Variants in DENND4B observed in about 807,000 individuals in gnomAD.
The protein encoded by DENND4B is DENN domain containing 4B, also known as DENN domain-containing protein 4B.
Under a neutral mutation model 161.0 loss-of-function variants are expected in DENND4B, and 67 were observed. The ratio of observed to expected loss-of-function variants is 0.42; its 90% CI spans 0.34 to 0.51. DENND4B has a LOEUF of 0.51. Ranked by LOEUF, DENND4B falls within the 20% of genes least tolerant of loss-of-function variation. The pLI, the probability that DENND4B is intolerant of heterozygous loss-of-function variation, is 0.08. For synonymous variants in DENND4B, 753 were observed against 813.8 expected, an observed-to-expected ratio of 0.93 and a Z score of 1.27; for missense variants, 1,481 against 1,968.0, an observed-to-expected ratio of 0.75 and a Z score of 4.68.
In DENND4B at chr1:153,934,240, G is replaced by C; in HGVS notation, c.2836C>G (p.Arg946Gly). ...GGTGAGGCTGGGTCTCTCAGACTTC[G>C]CCCAGCCCAAGTAGTCTGGCGCTGA... is the stretch of plus-strand genomic sequence containing the variant. ...PLQRQTTWAG[R>G]SLRDPASPPG... Residue 946 changes from arginine to glycine, a missense_variant, in exon 19 of 28, where the codon CGA (arginine) becomes GGA (glycine). Arg to Gly is a moderately radical substitution (Grantham distance 125, BLOSUM62 -2). This residue lies in a region of DENND4B where 339 missense variants were observed against 330.3 expected (regional missense o/e 1.03). Transcript: ENST00000361217. The surrounding 1 kb of genome is among the most constrained non-coding windows in gnomAD (Gnocchi z 5.3). The C allele has an allele frequency of 6.2e-7, 1 of 1,600,976 alleles. No individual in the cohort carries two copies. Among genetic ancestry groups the C allele is most frequent in the South Asian group, 1.1e-5 (1 of 89,056 alleles).
chr1:153,933,653 G>C lies in DENND4B; in HGVS notation c.3160C>G (p.Arg1054Gly). The C allele has an allele frequency of 2.6e-6, 4 of 1,564,544 alleles. No homozygotes were observed. Among genetic ancestry groups the C allele is most frequent in the South Asian group, 1.2e-5 (1 of 86,246 alleles). The change falls in exon 20 of 28, where the codon CGA (arginine) becomes GGA (glycine). Residue 1054 changes from arginine to glycine, a missense_variant. Arg to Gly is a moderately radical substitution (Grantham distance 125, BLOSUM62 -2). This residue lies in a region of DENND4B where 339 missense variants were observed against 330.3 expected (regional missense o/e 1.03). Transcript: ENST00000361217. This position sits in a 1 kb window ranked among gnomAD's most constrained non-coding sequence, Gnocchi z 5.7. ...TGGAGGCGGGCACCCAGCCCTCGTC[G>C]GGGGGTGCCTGCCTCATCCTGTCGC... ...GGRQDEAGTP[R>G]RGLGARLQQL...
chr1:153,936,485 C>T lies in DENND4B; in HGVS notation c.2439+57G>A. On this transcript the variant is annotated intron_variant, in intron 16 of 27. Transcript: ENST00000361217. The surrounding 1 kb of genome is among the most constrained non-coding windows in gnomAD (Gnocchi z 4.1). ...CCAAGTTTCCCTCTCACAGCCCTCTCCAGCTGCACAAGGCTCACTGGGCCT... is the reference window on the plus strand; with the variant it reads ...CCAAGTTTCCCTCTCACAGCCCTCTTCAGCTGCACAAGGCTCACTGGGCCT... The T allele has an allele frequency of 6.7e-7, 1 of 1,483,940 alleles. No homozygotes were observed. Among genetic ancestry groups the T allele is most frequent in the Non-Finnish European group, 9.0e-7 (1 of 1,107,088 alleles). The allele number at this position is 1,483,940 out of a possible 1,614,324, so 91.9% of individuals were successfully genotyped here. A position where few individuals can be genotyped will look rare whatever the true frequency, so the allele number is the denominator to read the frequency against.
At position 153,942,220 on chromosome 1, in the gene DENND4B, G is replaced by A. The variant is rs556647432; in HGVS notation, c.777C>T (p.Ser259=). The A allele has an allele frequency of 1.9e-6, 3 of 1,614,032 alleles. No homozygotes were observed. Among genetic ancestry groups the A allele is most frequent in the East Asian group, 2.2e-5 (1 of 44,882 alleles). The stretch of plus-strand genomic sequence containing the variant: ...CAGCTGCACCCGTGAGCACAAAGGT[G>A]GAGAAGACGGGCACGGGGTACTTGG... The part of the protein sequence containing the change: ...AQTKYPVPVF[S]TFVLTGAAGD... Residue 259 remains serine (S), a synonymous_variant, in exon 5 of 28, where the codon TCC becomes TCT. Coordinates refer to ENST00000361217, the MANE Select transcript of DENND4B (RefSeq NM_014856.3). This position sits in a 1 kb window ranked among gnomAD's most constrained non-coding sequence, Gnocchi z 6.9.
chr1:153,938,112 T>C (rs930949093), intron 13 of DENND4B, among the ~76,000 whole-genome samples: 1 of 152,164 alleles, frequency 6.6e-6, no homozygotes, highest in Non-Finnish European at 1.5e-5. Flanking sequence ...GAGTTGTGTT[T>C]ACAATGGCCC....
chr1:153,937,602 G>T lies in DENND4B; in HGVS notation c.2118C>A (p.Phe706Leu). Residue 706 changes from phenylalanine to leucine, a missense_variant, in exon 15 of 28, where the codon TTC becomes TTA. Physicochemically the swap from Phe to Leu is conservative, Grantham distance 22. Around this residue, in one of 3 missense-constraint regions of DENND4B, gnomAD observed 806 missense variants for 1,134.4 expected, o/e 0.71. Transcript: ENST00000361217. This position sits in a 1 kb window ranked among gnomAD's most constrained non-coding sequence, Gnocchi z 4.7. ...ESTPQYCYDGFPELRAELFES... is the reference protein window; with the variant it reads ...ESTPQYCYDGLPELRAELFES... ...CAAACAACTCAGCCCGTAGCTCTGG[G>T]AATCCATCATAGCTGGAGGGGCAGA... 1 of 1,612,716 alleles carries T rather than the reference G, an allele frequency of 6.2e-7. No individual in the cohort carries two copies. The highest frequency in any genetic ancestry group is 8.5e-7 in the Non-Finnish European group (1 of 1,179,132).
chr1:153,935,241 T>C, intron 17 of DENND4B: 1 of 477,690 alleles, frequency 2.1e-6, no homozygotes, highest in Non-Finnish European at 3.6e-6. Flanking sequence ...GAAGAAATCA[T>C]TTCATTTATT....
chr1:153,932,461 G>T lies in DENND4B; in HGVS notation c.3760-21C>A. 1 of 1,583,540 alleles carries T rather than the reference G, an allele frequency of 6.3e-7. No individual in the cohort carries two copies. The highest frequency in any genetic ancestry group is 8.6e-7 in the Non-Finnish European group (1 of 1,164,726). ...GCTCCCTATCAGGCACAAAGGGGGA[G>T]GGCAGTAGAGGGCATGTACATCCCC... is the stretch of plus-strand genomic sequence containing the variant. On this transcript the variant is annotated intron_variant, in intron 23 of 27. Coordinates refer to ENST00000361217, the MANE Select transcript of DENND4B (RefSeq NM_014856.3). This position sits in a 1 kb window ranked among gnomAD's most constrained non-coding sequence, Gnocchi z 5.8.
chr1:153,934,026 C>A lies in DENND4B; in HGVS notation c.2941+109G>T. Reference sequence around the variant, plus strand: ...CGAGATTCCCTCAGAATCTACAGCACCCACCACAGAGGGCCGCCCTCCACT... The same window carrying A: ...CGAGATTCCCTCAGAATCTACAGCAACCACCACAGAGGGCCGCCCTCCACT... On this transcript the variant is annotated intron_variant, in intron 19 of 27. Coordinates refer to ENST00000361217, the MANE Select transcript of DENND4B (RefSeq NM_014856.3). The surrounding 1 kb of genome is among the most constrained non-coding windows in gnomAD (Gnocchi z 5.3). 1.4e-6 allele frequency: 2 copies of A among 1,467,424 alleles called. No individual in the cohort carries two copies. The highest frequency in any genetic ancestry group is 1.4e-5 in the South Asian group (1 of 71,520). The allele number at this position is 1,467,424 out of a possible 1,614,324, so 90.9% of individuals were successfully genotyped here.
Position 153,940,093 on chromosome 1 carries a change from T to C in DENND4B, c.1603+63A>G. On this transcript the variant is annotated intron_variant, in intron 11 of 27. Transcript: ENST00000361217. This position sits in a 1 kb window ranked among gnomAD's most constrained non-coding sequence, Gnocchi z 5.6. Reference sequence around the variant, plus strand: ...AAATGTCTAGCTCCCCACAGACCTCTGCAAACTGGAGGTTTGAGGGCAATG... The same window carrying C: ...AAATGTCTAGCTCCCCACAGACCTCCGCAAACTGGAGGTTTGAGGGCAATG... The C allele has an allele frequency of 7.2e-7, 1 of 1,395,988 alleles. No individual in the cohort carries two copies. Among genetic ancestry groups the C allele is most frequent in the East Asian group, 2.3e-5 (1 of 42,856 alleles). 86.5% of individuals were successfully genotyped at this position (1,395,988 alleles called of 1,614,324 possible). A position where few individuals can be genotyped will look rare whatever the true frequency, so the allele number is the denominator to read the frequency against.
chr1:153,930,561 C>T lies in DENND4B; in HGVS notation c.4323G>A (p.Leu1441=). 1 of 1,614,038 alleles carries T rather than the reference C, an allele frequency of 6.2e-7. No individual in the cohort carries two copies. The highest frequency in any genetic ancestry group is 8.5e-7 in the Non-Finnish European group (1 of 1,179,896). ...REILFLTMAA[L]GKDHVDIVAF... is the part of the protein sequence containing the mutation. The stretch of plus-strand genomic sequence containing the variant: ...CACCTATGTCCACGTGGTCCTTGCC[C>T]AGAGCAGCCATTGTCAGGAATAATA... Residue 1441 remains leucine (L), a synonymous_variant, in exon 27 of 28, where the codon CTG becomes CTA. Transcript: ENST00000361217. This position sits in a 1 kb window ranked among gnomAD's most constrained non-coding sequence, Gnocchi z 4.7.
chr1:153,938,766 TA>T, intron 13 of DENND4B, 133 bp downstream of exon 13: 1 of 473,086 alleles, frequency 2.1e-6, no homozygotes, highest in Non-Finnish European at 3.3e-6. Context: ...AATAAATAAA[TA>T]AAATAAAATG....
chr1:153,940,501 T>C lies in DENND4B; in HGVS notation c.1432A>G (p.Ser478Gly), dbSNP rs775993508. ...PVPFIVGIHS[S>G]YFDLHDPPAD... is the part of the protein sequence containing the mutation. Reference sequence around the variant, plus strand: ...GGCGGGTCATGCAGATCAAAGTAGCTGGAGTGGATACCCACAATGAAGGGC... The same window carrying C: ...GGCGGGTCATGCAGATCAAAGTAGCCGGAGTGGATACCCACAATGAAGGGC... The change falls in exon 10 of 28, where the codon AGC becomes GGC. Residue 478 changes from serine to glycine, a missense_variant. This residue lies in a region of DENND4B where 806 missense variants were observed against 1,134.4 expected (regional missense o/e 0.71). Coordinates refer to ENST00000361217, the MANE Select transcript of DENND4B (RefSeq NM_014856.3). The surrounding 1 kb of genome is among the most constrained non-coding windows in gnomAD (Gnocchi z 5.6). 1 of 1,613,206 alleles carries C rather than the reference T, an allele frequency of 6.2e-7. No individual in the cohort carries two copies.
At chr1:153,938,850 C>T (rs776586017) in intron 13 of DENND4B, 50 bp downstream of exon 13, 36 of 1,553,552 alleles carry the variant, frequency 2.3e-5, no homozygotes, top group African/African-American at 1.2e-4. Flanking sequence ...GCAACAGAGA[C>T]AATGAGGGAG....
chr1:153,931,198 T>C lies in DENND4B; in HGVS notation c.3997-134A>G, dbSNP rs1485378245. 4 of 712,648 alleles carry C rather than the reference T, an allele frequency of 5.6e-6. No homozygotes were observed. The East Asian group carries it at 1.1e-4, about 19-fold the overall frequency. 44.1% of individuals were successfully genotyped at this position (712,648 alleles called of 1,614,324 possible). A position where few individuals can be genotyped will look rare whatever the true frequency, so the allele number is the denominator to read the frequency against. ...CAAAGAGAAGTGGGAAAGGAATTCT[T>C]ATCCCCCACAAGAATGTAAGCTCTT... On this transcript the variant is annotated intron_variant, in intron 24 of 27. Transcript: ENST00000361217.
In DENND4B at chr1:153,930,783, G is replaced by A. The variant is rs760699475; in HGVS notation, c.4189C>T (p.Leu1397=). The A allele has an allele frequency of 1.2e-6, 2 of 1,608,756 alleles. No individual in the cohort carries two copies. The highest frequency in any genetic ancestry group is 1.7e-4 in the Middle Eastern group (1 of 6,054). The change falls in exon 26 of 28, where the codon CTG becomes TTG. Residue 1397 remains leucine, a synonymous_variant. Transcript: ENST00000361217. This position sits in a 1 kb window ranked among gnomAD's most constrained non-coding sequence, Gnocchi z 4.7. ...SLSLALLESV[L]RHVGLNEVHK... ...ACTTCATTGAGTCCAACATGGCGCA[G>A]CACTGACTCCAACAGTGCCAAACTA...
Position 153,930,196 on chromosome 1 carries a change from C to G in DENND4B, c.*101G>C, listed in dbSNP as rs1571025002. 7.0e-7 allele frequency: 1 copy of G among 1,433,342 alleles called. No homozygotes were observed. The highest frequency in any genetic ancestry group is 9.3e-7 in the Non-Finnish European group (1 of 1,073,490). 88.8% of individuals were successfully genotyped at this position (1,433,342 alleles called of 1,614,324 possible). A position where few individuals can be genotyped will look rare whatever the true frequency, so the allele number is the denominator to read the frequency against. On this transcript the variant is annotated 3_prime_UTR_variant, in exon 28 of 28. Coordinates refer to ENST00000361217, the MANE Select transcript of DENND4B (RefSeq NM_014856.3). This position sits in a 1 kb window ranked among gnomAD's most constrained non-coding sequence, Gnocchi z 4.7. ...GCCTTTGACTGGGCATCCTTCCCAG[C>G]CTGTTCCCAACTCCATGAAGGCAAC...
chr1:153,941,082 C>A, intron 8 of DENND4B, 34 bp from the exon 9 acceptor site: 1 of 1,554,804 alleles, frequency 6.4e-7, no homozygotes, highest in South Asian at 1.2e-5. Flanking sequence ...AAAGGGTCAC[C>A]AGGATACCCT....
rs1245145873 is a variant in DENND4B at position 153,936,347 on chromosome 1, C to T, written c.2440-159G>A. Among the ~76,000 whole-genome samples, 2 of 152,214 alleles carry T rather than the reference C, an allele frequency of 1.3e-5. No individual in the cohort carries two copies. The highest frequency in any genetic ancestry group is 2.4e-5 in the African/African-American group (1 of 41,450). ...GAGCCACCCACCCTTTCTGCTGACCCTGCCACCCTACAGTCTTCACTGCTA... is the reference window on the plus strand; with the variant it reads ...GAGCCACCCACCCTTTCTGCTGACCTTGCCACCCTACAGTCTTCACTGCTA... On this transcript the variant is annotated intron_variant, in intron 16 of 27. Coordinates refer to ENST00000361217, the MANE Select transcript of DENND4B (RefSeq NM_014856.3). This position sits in a 1 kb window ranked among gnomAD's most constrained non-coding sequence, Gnocchi z 4.1.
At chr1:153,943,740 T>C (rs1252083814) in intron 2 of DENND4B, among the ~76,000 whole-genome samples, 3 of 151,410 alleles carry the variant, frequency 2.0e-5, no homozygotes, top group Non-Finnish European at 2.9e-5. Context: ...CTGTTAAGTC[T>C]GTCACATGGG....
Sources: gnomAD v4.1 joint callset for allele counts (sites outside exome capture counted in the v4.1 genomes callset) on GRCh38, gnomAD v4.1.1 for gene constraint, gnomAD v4.1.1 regional missense constraint, Gnocchi (gnomAD v3.1) non-coding constraint, MANE v1.5 for transcripts, NCBI Gene and HGNC (gene_info 2026-07-23, HGNC 2026-07-21) for gene names.